The following LHPP variants were observed in gnomAD, a reference collection of about 807,000 sequenced individuals.
LHPP encodes the protein hLHPP.
LHPP carries 24 observed loss-of-function variants against 30.3 expected under a neutral mutation model. That is an observed-to-expected ratio of 0.79 (90% confidence interval 0.57 to 1.11). The LOEUF (loss-of-function observed/expected upper bound fraction) is 1.11. Ranked by LOEUF, LHPP falls within the 50% of genes most tolerant of loss-of-function variation. LHPP has a pLI of 0.00. For missense variants in LHPP, 356 were observed against 367.2 expected (o/e 0.97, Z 0.25); for synonymous variants, 150 against 157.1 (o/e 0.95, Z 0.34).
At chr10:124,569,335 C>T (rs1392661201) in intron 6 of LHPP, among the ~76,000 whole-genome samples, 3 of 152,132 alleles carry the variant, frequency 2.0e-5, no homozygotes, top group Admixed American at 6.5e-5. Context: ...CCTTTCACCC[C>T]GTCAGTTGTC....
rs185268529 is a variant in LHPP, at chr10:124,511,429, G to A, written c.625-5751G>A. On this transcript the variant is annotated intron_variant, in intron 5 of 6. Coordinates refer to ENST00000368842, the MANE Select transcript of LHPP (RefSeq NM_022126.4). ...GTGGAGGAAAGATCAGAGAAAATCC[G>A]TGGAAAGTATGAAGTAGAGAGCACC... Among the ~76,000 whole-genome samples, 169 of 152,322 alleles carry A rather than the reference G, an allele frequency of 1.1e-3. 1 individual carries two copies. The highest frequency in any genetic ancestry group is 3.2e-3 in the African/African-American group (131 of 41,586).
At chr10:124,483,983 C>T (rs1290462161) in intron 1 of LHPP, among the ~76,000 whole-genome samples, 156 bp from the exon 2 acceptor site, 1 of 152,124 alleles carries the variant, frequency 6.6e-6, no homozygotes, top group African/African-American at 2.4e-5. Flanking sequence ...CCAGCCTGAA[C>T]ACATCCTGGA....
chr10:124,497,297 C>T (rs11245215), intron 4 of LHPP, among the ~76,000 whole-genome samples: 5,723 of 22,552 alleles, frequency 0.25, 601 homozygotes, highest in African/African-American at 0.42. Flanking sequence ...CCCCATCCTC[C>T]AGTGGGCGCA....
chr10:124,533,382 C>T lies in LHPP; in HGVS notation c.716+16111C>T, dbSNP rs576965844. ...GCAGGGGCGTGGGGGGTTGGATGGA[C>T]CATGTCACCCAAAAGTTTGTGTCCT... is the stretch of plus-strand genomic sequence containing the variant. On this transcript the variant is annotated intron_variant, in intron 6 of 6. Transcript: ENST00000368842. 5.3e-5 allele frequency among the ~76,000 whole-genome samples: 8 copies of T among 152,270 alleles called. No individual in the cohort carries two copies. In the South Asian group the frequency reaches 1.7e-3, roughly 32 times the overall value.
intron 6 of LHPP, among the ~76,000 whole-genome samples, chr10:124,604,328 G>A (rs1949065940): frequency 6.6e-6 from 1 of 152,212 alleles, no homozygotes; most frequent in African/African-American, 2.4e-5. Context: ...GGCTGGATGT[G>A]GGATGTTCTG....
intron 6 of LHPP, among the ~76,000 whole-genome samples, chr10:124,524,456 T>C (rs1156986979): frequency 6.6e-6 from 1 of 151,990 alleles, no homozygotes; most frequent in East Asian, 1.9e-4. Context: ...TATGTATTTT[T>C]AGTAGAGATG....
intron 3 of LHPP, among the ~76,000 whole-genome samples, chr10:124,494,584 G>A (rs1009299867): frequency 3.3e-5 from 5 of 152,152 alleles, no homozygotes; most frequent in African/African-American, 1.2e-4. Context: ...TGGCCTTTGA[G>A]GGCCTGCAGA....
rs1954474549 is a variant in LHPP at position 124,517,051 on chromosome 10, T to A, written c.625-129T>A. ...TAATCAATACGATGACAATATTATC[T>A]TGTTTAATTTGTATGATGGTGGTTG... On this transcript the variant is annotated intron_variant, in intron 5 of 6. Transcript: ENST00000368842. The surrounding 1 kb of genome is among the most constrained non-coding windows in gnomAD (Gnocchi z 4.1). The A allele has an allele frequency of 1.6e-6, 1 of 611,578 alleles. No homozygotes were observed. The highest frequency in any genetic ancestry group is 2.8e-6 in the Non-Finnish European group (1 of 355,118). The allele number at this position is 611,578 out of a possible 1,614,324, so 37.9% of individuals were successfully genotyped here. A position where few individuals can be genotyped will look rare whatever the true frequency, so the allele number is the denominator to read the frequency against.
chr10:124,475,832 C>A (rs1952927448), intron 1 of LHPP, among the ~76,000 whole-genome samples: 1 of 152,190 alleles, frequency 6.6e-6, no homozygotes, highest in African/African-American at 2.4e-5. Flanking sequence ...CCCCACCCCT[C>A]ACCCCCACAT....
intron 6 of LHPP, among the ~76,000 whole-genome samples, chr10:124,529,343 G>A (rs1954827201): frequency 6.6e-6 from 1 of 151,808 alleles, no homozygotes. Flanking sequence ...AAAACCACCT[G>A]AAAGTGCGGG....
chr10:124,516,456 T>TC (rs535938617), intron 5 of LHPP, among the ~76,000 whole-genome samples: 156 of 152,320 alleles, frequency 1.0e-3, no homozygotes, highest in Middle Eastern at 3.4e-3. Flanking sequence ...ACAGCACCCC[T>TC]CCTGTGTCCA....
chr10:124,603,040 G>A (rs1401226126), intron 6 of LHPP, among the ~76,000 whole-genome samples: 1 of 114,264 alleles, frequency 8.8e-6, no homozygotes, highest in Non-Finnish European at 1.9e-5. Flanking sequence ...GCAGTCCCTG[G>A]GAGGGGTACT....
At chr10:124,534,925 C>T (rs1954985632) in intron 6 of LHPP, among the ~76,000 whole-genome samples, 1 of 152,214 alleles carries the variant, frequency 6.6e-6, no homozygotes, top group African/African-American at 2.4e-5. Flanking sequence ...TCTCAGGTGT[C>T]CTGGACTCCA....
chr10:124,470,009 G>A lies in LHPP; in HGVS notation c.125+8022G>A, dbSNP rs535171957. 2.6e-5 allele frequency among the ~76,000 whole-genome samples: 4 copies of A among 152,346 alleles called. No homozygotes were observed. The South Asian group carries it at 6.2e-4, about 24-fold the overall frequency. On this transcript the variant is annotated intron_variant, in intron 1 of 6. Coordinates refer to ENST00000368842, the MANE Select transcript of LHPP (RefSeq NM_022126.4). ...AGGCCACACTGGTGCTGCTGGCCAGGCAGGGCCCACTTGCTGCTCTAGGAC... is the reference window on the plus strand; with the variant it reads ...AGGCCACACTGGTGCTGCTGGCCAGACAGGGCCCACTTGCTGCTCTAGGAC...
intron 2 of LHPP, among the ~76,000 whole-genome samples, chr10:124,485,180 G>A (rs1390012258): frequency 3.3e-5 from 5 of 152,056 alleles, no homozygotes; most frequent in African/African-American, 9.7e-5. Flanking sequence ...GACAGGCCTG[G>A]CCTTTAGAAA....
chr10:124,500,451 G>A (rs1953865747), intron 5 of LHPP, among the ~76,000 whole-genome samples: 2 of 151,940 alleles, frequency 1.3e-5, no homozygotes, highest in African/African-American at 4.9e-5. Flanking sequence ...CAGCCTGGGC[G>A]ACAGAGTGAG....
intron 6 of LHPP, among the ~76,000 whole-genome samples, chr10:124,602,766 T>G (rs1287271960): frequency 6.6e-6 from 1 of 152,116 alleles, no homozygotes; most frequent in Non-Finnish European, 1.5e-5. Context: ...AGCCCAGCCC[T>G]GCCCCACCCC....
chr10:124,560,604 C>T (rs1305026322), intron 6 of LHPP, among the ~76,000 whole-genome samples: 2 of 152,230 alleles, frequency 1.3e-5, no homozygotes, highest in Non-Finnish European at 2.9e-5. Flanking sequence ...AGTGGGTCTC[C>T]GTGGTGATTC....
chr10:124,605,078 T>C (rs2134015616), intron 6 of LHPP: 1 of 152,608 alleles, frequency 6.6e-6, no homozygotes, highest in Admixed American at 6.5e-5. Flanking sequence ...CTCATGGGGC[T>C]CTTTTGCTGG....
Sources: gnomAD v4.1 joint callset for allele counts (sites outside exome capture counted in the v4.1 genomes callset) on GRCh38, gnomAD v4.1.1 for gene constraint, Gnocchi (gnomAD v3.1) non-coding constraint, MANE v1.5 for transcripts, NCBI Gene and HGNC (gene_info 2026-07-23, HGNC 2026-07-21) for gene names.